Variants in KIF15 observed in about 807,000 individuals in gnomAD.
KIF15 encodes the protein kinesin-like protein KIF15.
Under a neutral mutation model 190.6 loss-of-function variants are expected in KIF15, and 140 were observed. The observed-to-expected ratio is 0.73, with a 90% CI of 0.64 to 0.84. KIF15 has a LOEUF of 0.84. KIF15 is among the 40% of genes least tolerant of loss of function. KIF15 has a pLI of 0.00. For synonymous variants in KIF15, 528 were observed against 551.3 expected, an observed-to-expected ratio of 0.96 and a Z score of 0.59; for missense variants, 1,372 against 1,584.4, an observed-to-expected ratio of 0.87 and a Z score of 2.28.
In KIF15 at chr3:44,831,007, G is replaced by A; in HGVS notation, c.3160G>A (p.Glu1054Lys). 10 of 1,613,890 alleles carry A rather than the reference G, an allele frequency of 6.2e-6. No homozygotes were observed. Among genetic ancestry groups the A allele is most frequent in the Non-Finnish European group, 7.6e-6 (9 of 1,179,946 alleles). Residue 1054 changes from glutamate to lysine, a missense_variant, in exon 26 of 35, where the codon GAG becomes AAG. Physicochemically the swap from Glu to Lys is moderately conservative, Grantham distance 56. Coordinates refer to ENST00000326047, the MANE Select transcript of KIF15 (RefSeq NM_020242.3). ...AACCCTTAGGCTGAGAATACTTTCT[G>A]AGGACATAGAGGTAGGTATTAACGC... ...KETLRLRILS[E>K]DIERDMLCED...
chr3:44,855,712 T>C (rs1397950382), downstream of KIF15, among the ~76,000 whole-genome samples: 2 of 152,090 alleles, frequency 1.3e-5, no homozygotes, highest in Non-Finnish European at 2.9e-5. Context: ...ATTTGTCGTA[T>C]AGAATTATTG....
At chr3:44,784,203 ACT>A (rs1408012348) in intron 5 of KIF15, among the ~76,000 whole-genome samples, 7 of 152,004 alleles carry the variant, frequency 4.6e-5, no homozygotes, top group South Asian at 2.1e-4. Context: ...ACGGAGTCTC[ACT>A]CTGTCGCCCA....
intron 22 of KIF15, 148 bp from the exon 23 acceptor site, chr3:44,827,311 A>G: frequency 1.7e-6 from 1 of 591,012 alleles, no homozygotes; most frequent in Non-Finnish European, 3.1e-6. Context: ...AAATGGGTTC[A>G]AATTTCTGAT....
rs751528292 is a variant in KIF15, at chr3:44,800,322, A to G, written c.1107A>G (p.Val369=). Residue 369 remains valine, a synonymous_variant, in exon 11 of 35, where the codon GTA becomes GTG. Coordinates refer to ENST00000326047, the MANE Select transcript of KIF15 (RefSeq NM_020242.3). ...AAAAAATTCCTGAACAGGCAGTAGTAAATGAAGACACCCAAGGAAATGTGA... is the reference window on the plus strand; with the variant it reads ...AAAAAATTCCTGAACAGGCAGTAGTGAATGAAGACACCCAAGGAAATGTGA... ...RAKLIKNKAV[V]NEDTQGNVSQ... 10 of 1,614,108 alleles carry G rather than the reference A, an allele frequency of 6.2e-6. No homozygotes were observed. Among genetic ancestry groups the G allele is most frequent in the Non-Finnish European group, 8.5e-6 (10 of 1,179,972 alleles).
At chr3:44,776,990 A>ATTT (rs371067828) in intron 3 of KIF15, among the ~76,000 whole-genome samples, 2,171 of 116,788 alleles carry the variant, frequency 0.019, 96 homozygotes, top group African/African-American at 0.048. Flanking sequence ...AACATCACAG[A>ATTT]TTTTTTTTTT....
intron 10 of KIF15, chr3:44,799,124 A>T (rs1033017240): frequency 1.0e-5 from 4 of 381,228 alleles, no homozygotes; most frequent in African/African-American, 8.5e-5. Flanking sequence ...TTGGAGATAT[A>T]GAACTGCAGC....
rs752485978 is a variant in KIF15, at chr3:44,815,074, C to T, written c.2547C>T (p.Leu849=). 1.3e-6 allele frequency: 2 copies of T among 1,576,622 alleles called. No individual in the cohort carries two copies. The highest frequency in any genetic ancestry group is 2.3e-5 in the East Asian group (1 of 43,722). ...HMHVQLQLDN[L]RLENEKLLES... is the part of the protein sequence containing the mutation. ...ATGTACAGCTTCAATTAGATAATCT[C>T]AGGTAGAGTTGTTCTTTTATGGTTT... The change falls in exon 20 of 35, where the codon CTC becomes CTT. Residue 849 remains leucine (L), a splice_region_variant and synonymous_variant. Transcript: ENST00000326047.
At chr3:44,817,396 C>T (rs1482538076) in intron 20 of KIF15, among the ~76,000 whole-genome samples, 1 of 152,124 alleles carries the variant, frequency 6.6e-6, no homozygotes, top group Non-Finnish European at 1.5e-5. Flanking sequence ...AGTCTTTAAT[C>T]CATCTTGAAT....
At chr3:44,782,863 T>A (rs984053925) in intron 5 of KIF15, among the ~76,000 whole-genome samples, 1 of 152,198 alleles carries the variant, frequency 6.6e-6, no homozygotes, top group Admixed American at 6.5e-5. Flanking sequence ...GAGTGGAGTT[T>A]TCCAGGATAA....
intron 6 of KIF15, chr3:44,862,080 G>A: frequency 7.7e-7 from 1 of 1,298,048 alleles, no homozygotes; most frequent in East Asian, 2.9e-5. Flanking sequence ...TCGGGGCCCT[G>A]GCCGCCGCCT....
intron 6 of KIF15, chr3:44,864,932 G>C: frequency 2.1e-6 from 3 of 1,454,314 alleles, no homozygotes; most frequent in Non-Finnish European, 2.8e-6. Flanking sequence ...AAGGCTTCTG[G>C]CTCCAGACCT....
intron 9 of KIF15, 45 bp from the exon 10 acceptor site, chr3:44,797,788 CT>C: frequency 6.2e-7 from 1 of 1,606,690 alleles, no homozygotes. Flanking sequence ...TTAAAAAGGT[CT>C]TGTGATTTCT....
At chr3:44,805,709 A>G (rs1707463420) in intron 15 of KIF15, 136 bp from the exon 16 acceptor site, 3 of 859,358 alleles carry the variant, frequency 3.5e-6, no homozygotes, top group Non-Finnish European at 5.5e-6. Flanking sequence ...AATGATGGGA[A>G]TAATCTGAGA....
chr3:44,772,508 A>G (rs1705687748), intron 1 of KIF15, among the ~76,000 whole-genome samples: 1 of 152,230 alleles, frequency 6.6e-6, no homozygotes, highest in South Asian at 2.1e-4. Context: ...GCAAAATAAG[A>G]TCTAAGAAGA....
chr3:44,819,140 CTTT>C (rs1453373762), intron 20 of KIF15, among the ~76,000 whole-genome samples: 2 of 152,024 alleles, frequency 1.3e-5, no homozygotes, highest in East Asian at 1.9e-4. Flanking sequence ...CTCTTTTCTT[CTTT>C]ATTAGTCTTG....
At position 44,784,857 on chromosome 3, in the gene KIF15, C is replaced by G. The variant is rs1333827044; in HGVS notation, c.374C>G (p.Ser125Cys). The change falls in exon 6 of 35, where the codon TCT (serine) becomes TGT (cysteine). Residue 125 changes from serine to cysteine, a missense_variant. Ser to Cys is a moderately radical substitution (Grantham distance 112). Transcript: ENST00000326047. The stretch of plus-strand genomic sequence containing the variant: ...TTCATTTTTTTAGGACCATCTGAAT[C>G]TGATAATTTTTCTCATAACCTGAGA... ...KTFTMMGPSESDNFSHNLRGV... is the reference protein window; with the variant it reads ...KTFTMMGPSECDNFSHNLRGV... 1.3e-5 allele frequency: 19 copies of G among 1,518,508 alleles called. No individual in the cohort carries two copies. Among genetic ancestry groups the G allele is most frequent in the Non-Finnish European group, 1.7e-5 (19 of 1,112,870 alleles). 94.1% of individuals were successfully genotyped at this position (1,518,508 alleles called of 1,614,324 possible). A position where few individuals can be genotyped will look rare whatever the true frequency, so the allele number is the denominator to read the frequency against.
chr3:44,824,744 A>C (rs1199528124), intron 20 of KIF15, among the ~76,000 whole-genome samples: 3 of 152,120 alleles, frequency 2.0e-5, no homozygotes, highest in Admixed American at 2.0e-4. Context: ...TTCATCATTA[A>C]ATACTTCCTA....
rs185871648 is a variant in KIF15 at position 44,800,757 on chromosome 3, C to G, written c.1222+320C>G. Among the ~76,000 whole-genome samples, 15 of 152,224 alleles carry G rather than the reference C, an allele frequency of 9.9e-5. No homozygotes were observed. In the East Asian group the frequency reaches 2.7e-3, roughly 27 times the overall value. On this transcript the variant is annotated intron_variant, in intron 11 of 34. Coordinates refer to ENST00000326047, the MANE Select transcript of KIF15 (RefSeq NM_020242.3). ...AGGATAAGAGAGACTTATTTTTCTT[C>G]AAAGAATAGCTAGTAGAGAATTAAT... is the stretch of plus-strand genomic sequence containing the variant.
chr3:44,784,125 A>AAAGC (rs1354481433), intron 5 of KIF15, among the ~76,000 whole-genome samples: 1 of 152,222 alleles, frequency 6.6e-6, no homozygotes, highest in Non-Finnish European at 1.5e-5. Flanking sequence ...TAATGTGTTT[A>AAAGC]AAGCACTAAC....
Sources: gnomAD v4.1 joint callset for allele counts (sites outside exome capture counted in the v4.1 genomes callset) on GRCh38, gnomAD v4.1.1 for gene constraint, MANE v1.5 for transcripts, NCBI Gene and HGNC (gene_info 2026-07-23, HGNC 2026-07-21) for gene names.